The following ZC3H3 variants were observed in gnomAD, a reference collection of about 807,000 sequenced individuals.
The protein encoded by ZC3H3 is zinc finger CCCH domain-containing protein 3.
In ZC3H3, 36 loss-of-function variants were observed where a neutral mutation model predicts 77.3. The ratio of observed to expected loss-of-function variants is 0.47; its 90% CI spans 0.36 to 0.61. The LOEUF is 0.61. ZC3H3 is among the 20% of genes least tolerant of loss of function. The pLI, the probability that ZC3H3 is intolerant of heterozygous loss-of-function variation, is 0.00. For synonymous variants in ZC3H3, 626 were observed against 555.2 expected (o/e 1.13, Z -1.79); for missense variants, 1,331 against 1,312.2 (o/e 1.01, Z -0.22).
At position 143,440,219 on chromosome 8, in the gene ZC3H3, G is replaced by A. The variant is rs1361125292; in HGVS notation, c.2637C>T (p.Ser879=). 8.1e-7 allele frequency: 1 copy of A among 1,240,520 alleles called. No individual in the cohort carries two copies. The highest frequency in any genetic ancestry group is 1.5e-5 in the African/African-American group (1 of 65,692). 76.8% of individuals were successfully genotyped at this position (1,240,520 alleles called of 1,614,324 possible). A position where few individuals can be genotyped will look rare whatever the true frequency, so the allele number is the denominator to read the frequency against. The part of the protein sequence containing the change: ...SSKASSSSSS[S]SSPPASLDHE... ...GGTCCAAGGAAGCGGGAGGGGATGAGGAGGAGGAGGAGGAGGAGGAAGCCT... is the reference window on the plus strand; with the variant it reads ...GGTCCAAGGAAGCGGGAGGGGATGAAGAGGAGGAGGAGGAGGAGGAAGCCT... The change falls in exon 11 of 12, where the codon TCC becomes TCT. Residue 879 remains serine (S), a synonymous_variant. Coordinates refer to ENST00000262577, the MANE Select transcript of ZC3H3 (RefSeq NM_015117.3).
intron 4 of ZC3H3, among the ~76,000 whole-genome samples, chr8:143,492,643 C>T (rs1251568050): frequency 1.3e-5 from 2 of 152,214 alleles, no homozygotes; most frequent in African/African-American, 4.8e-5. Flanking sequence ...TGACCACACG[C>T]ACATCCTGCT....
rs377310492 is a variant in ZC3H3 at position 143,541,444 on chromosome 8, C to G, written c.-23G>C. On this transcript the variant is annotated 5_prime_UTR_variant, in exon 1 of 12. Transcript: ENST00000262577. ...CATCTCCCGAGTCCGCGACGGCCGG[C>G]CAGGCCCCCACGACGTCATCGCTAC... 1.9e-6 allele frequency: 3 copies of G among 1,611,526 alleles called. No homozygotes were observed. Among genetic ancestry groups the G allele is most frequent in the Non-Finnish European group, 2.5e-6 (3 of 1,179,348 alleles).
At chr8:143,459,510 G>C (rs551036712) in intron 9 of ZC3H3, among the ~76,000 whole-genome samples, 19 of 152,100 alleles carry the variant, frequency 1.2e-4, no homozygotes, top group African/African-American at 4.3e-4. Context: ...GATCGTACCA[G>C]TGCACTCCAG....
chr8:143,512,129 C>A (rs1216047065), intron 3 of ZC3H3, among the ~76,000 whole-genome samples: 1 of 152,240 alleles, frequency 6.6e-6, no homozygotes, highest in Non-Finnish European at 1.5e-5. Context: ...GCAGCCCAGA[C>A]CCTGCATGCA....
chr8:143,540,875 G>A (rs111524006), intron 1 of ZC3H3, among the ~76,000 whole-genome samples: 2 of 151,996 alleles, frequency 1.3e-5, no homozygotes, highest in Non-Finnish European at 2.9e-5. Context: ...AGAATCACTC[G>A]AACCCAGGAT....
intron 4 of ZC3H3, among the ~76,000 whole-genome samples, chr8:143,506,286 TCGGGCTGA>T (rs1177241737): frequency 6.6e-6 from 1 of 152,206 alleles, no homozygotes; most frequent in Non-Finnish European, 1.5e-5. Flanking sequence ...ACCCTCGACG[TCGGGCTGA>T]CGACGACCAC....
In ZC3H3 at chr8:143,465,707, G is replaced by C; in HGVS notation, c.2307+10C>G. ...AACCCCGCCCACTCGGGCCCCCACA[G>C]ACCACTCACCTTTGCACCCAGGGGG... is the stretch of plus-strand genomic sequence containing the variant. On this transcript the variant is annotated intron_variant, in intron 9 of 11. Transcript: ENST00000262577. 1 of 1,613,486 alleles carries C rather than the reference G, an allele frequency of 6.2e-7. No homozygotes were observed. The highest frequency in any genetic ancestry group is 8.5e-7 in the Non-Finnish European group (1 of 1,179,886).
chr8:143,497,812 C>A (rs1253252008), intron 4 of ZC3H3, among the ~76,000 whole-genome samples: 1 of 152,212 alleles, frequency 6.6e-6, no homozygotes, highest in Non-Finnish European at 1.5e-5. Context: ...GTTATCTGGG[C>A]CGCCAGCAGC....
intron 9 of ZC3H3, among the ~76,000 whole-genome samples, chr8:143,448,651 T>C (rs942922200): frequency 1.3e-5 from 2 of 152,206 alleles, no homozygotes; most frequent in African/African-American, 4.8e-5. Flanking sequence ...CAGCACTGAG[T>C]GCCTGCAGCT....
intron 9 of ZC3H3, among the ~76,000 whole-genome samples, chr8:143,454,492 G>A (rs1194496613): frequency 6.7e-6 from 1 of 148,994 alleles, no homozygotes; most frequent in Non-Finnish European, 1.5e-5. Flanking sequence ...TGCAAGCTCC[G>A]CCTCCCGGGT....
chr8:143,480,412 G>A (rs564381815), intron 4 of ZC3H3, among the ~76,000 whole-genome samples: 13 of 152,348 alleles, frequency 8.5e-5, no homozygotes, highest in Middle Eastern at 3.4e-3. Flanking sequence ...GGCACTGCCC[G>A]TGGCAGGTCA....
chr8:143,466,596 G>A (rs1332734967), intron 8 of ZC3H3, among the ~76,000 whole-genome samples: 1 of 152,180 alleles, frequency 6.6e-6, no homozygotes, highest in Non-Finnish European at 1.5e-5. Flanking sequence ...GGGAAGCAGG[G>A]GGTCTCTTGC....
chr8:143,442,438 G>GC (rs1490315442), intron 9 of ZC3H3, among the ~76,000 whole-genome samples: 1 of 145,728 alleles, frequency 6.9e-6, no homozygotes, highest in Non-Finnish European at 1.5e-5. Context: ...CCTCCGGGGG[G>GC]GGGGGGGGGC....
At chr8:143,445,853 T>G (rs1355613922) in intron 9 of ZC3H3, among the ~76,000 whole-genome samples, 1 of 152,194 alleles carries the variant, frequency 6.6e-6, no homozygotes, top group East Asian at 1.9e-4. Context: ...TTCCAACTTT[T>G]TTTTAACCTG....
chr8:143,475,032 G>A (rs1483273216), intron 5 of ZC3H3, among the ~76,000 whole-genome samples: 2 of 152,244 alleles, frequency 1.3e-5, no homozygotes, highest in African/African-American at 4.8e-5. Flanking sequence ...AGAAAATCAG[G>A]GGCCGCTCAG....
At chr8:143,523,656 T>C (rs1175808795) in intron 3 of ZC3H3, among the ~76,000 whole-genome samples, 1 of 152,188 alleles carries the variant, frequency 6.6e-6, no homozygotes, top group African/African-American at 2.4e-5. Context: ...CTCTGCTGCA[T>C]TCTAGGGAAG....
In ZC3H3 at chr8:143,469,723, G is replaced by A. The variant is rs1325973696; in HGVS notation, c.1904-1064C>T. Among the ~76,000 whole-genome samples the A allele has an allele frequency of 2.0e-5, 3 of 152,190 alleles. No homozygotes were observed. In the East Asian group the frequency reaches 5.8e-4, roughly 29 times the overall value. The stretch of plus-strand genomic sequence containing the variant: ...ATCTGGAGGAGGAGGGTCTGCTCCG[G>A]TGACACAGCCCTGCCTGCCTTTTAC... On this transcript the variant is annotated intron_variant, in intron 5 of 11. Transcript: ENST00000262577.
intron 4 of ZC3H3, among the ~76,000 whole-genome samples, chr8:143,485,343 TA>T (rs1475822261): frequency 2.0e-5 from 3 of 151,978 alleles, no homozygotes; most frequent in Non-Finnish European, 4.4e-5. Context: ...TCTGGAAGAG[TA>T]AGCATTCAGG....
Position 143,438,076 on chromosome 8 carries a change from G to T in ZC3H3, c.2827C>A (p.His943Asn). 1.9e-6 allele frequency: 3 copies of T among 1,611,146 alleles called. No individual in the cohort carries two copies. Among genetic ancestry groups the T allele is most frequent in the Non-Finnish European group, 2.5e-6 (3 of 1,178,858 alleles). Residue 943 changes from histidine to asparagine, a missense_variant, in exon 12 of 12, where the codon CAC (histidine) becomes AAC (asparagine). Physicochemically the swap from His to Asn is moderately conservative, Grantham distance 68 (BLOSUM62 1). Around this residue, in one of 3 missense-constraint regions of ZC3H3, gnomAD observed 249 missense variants for 236.9 expected, o/e 1.05. Coordinates refer to ENST00000262577, the MANE Select transcript of ZC3H3 (RefSeq NM_015117.3). ...GGTCCTCACAGACGTGGTTTGATGT[G>T]CAGAGGCTTCCCTATGCAAAGAGGG... is the stretch of plus-strand genomic sequence containing the variant. ...PLTKDSGKPLHIKPRL is the reference protein window; with the variant it reads ...PLTKDSGKPLNIKPRL
Sources: allele counts gnomAD v4.1 joint callset (sites outside exome capture counted in the v4.1 genomes callset), GRCh38; gene constraint gnomAD v4.1.1; regional missense constraint gnomAD v4.1.1; transcripts MANE v1.5; gene names NCBI Gene and HGNC (gene_info 2026-07-23, HGNC 2026-07-21).